GLRA1: variants seen among roughly 807,000 people sequenced by gnomAD.
GLRA1 encodes glycine receptor subunit alpha-1.
GLRA1 carries 37 observed loss-of-function variants against 48.3 expected under a neutral mutation model. That is an observed-to-expected ratio of 0.77 (90% CI 0.59 to 1.01). The LOEUF is 1.01. Among genes scored for constraint, GLRA1 ranks in the 50% least tolerant of loss-of-function variants. The pLI, the probability that GLRA1 is intolerant of heterozygous loss-of-function variation, is 0.00. For synonymous variants in GLRA1, 196 were observed against 210.7 expected (o/e 0.93, Z 0.60); for missense variants, 427 against 571.0 (o/e 0.75, Z 2.57).
At position 151,855,361 on chromosome 5, in the gene GLRA1, G is replaced by A. The variant is rs73285944; in HGVS notation, c.560-184C>T. ...TGGTTAATTATTTATATCTACATCA[G>A]AGCCCTTCCACCTCTCTTCCCAACC... On this transcript the variant is annotated intron_variant, in intron 5 of 8. Transcript: ENST00000274576. Among the ~76,000 whole-genome samples, 2,633 of 152,174 alleles carry A rather than the reference G, an allele frequency of 0.017. 89 individuals are homozygous for A. The highest frequency in any genetic ancestry group is 0.059 in the African/African-American group (2,457 of 41,494).
At chr5:151,916,098 G>T (rs1342366148) in intron 1 of GLRA1, among the ~76,000 whole-genome samples, 30 of 152,192 alleles carry the variant, frequency 2.0e-4, no homozygotes. Flanking sequence ...TCAGTATGGT[G>T]AGGGAGGAGC....
intron 1 of GLRA1, among the ~76,000 whole-genome samples, chr5:151,916,469 T>C (rs1754745332): frequency 6.6e-6 from 1 of 152,188 alleles, no homozygotes; most frequent in African/African-American, 2.4e-5. Context: ...TAGTAGTTAC[T>C]CTGGTGTGTA....
At chr5:151,855,569 C>CG (rs891610400) in intron 5 of GLRA1, among the ~76,000 whole-genome samples, 1 of 152,042 alleles carries the variant, frequency 6.6e-6, no homozygotes, top group Non-Finnish European at 1.5e-5. Flanking sequence ...CTGGGGTAGA[C>CG]GGGGGAAAGT....
chr5:151,922,099 G>A (rs982779483), intron 1 of GLRA1, among the ~76,000 whole-genome samples: 1 of 152,134 alleles, frequency 6.6e-6, no homozygotes, highest in East Asian at 1.9e-4. Flanking sequence ...CCTAGCCCCC[G>A]ATTTCCCCAA....
intron 7 of GLRA1, chr5:151,850,654 G>A (rs903224406): frequency 9.4e-6 from 13 of 1,386,580 alleles, no homozygotes; most frequent in Middle Eastern, 1.9e-4. Context: ...ACATTCCCTG[G>A]ACTGTTGGCC....
At chr5:151,844,992 G>A (rs1220617090) in intron 7 of GLRA1, among the ~76,000 whole-genome samples, 2 of 151,970 alleles carry the variant, frequency 1.3e-5, no homozygotes, top group African/African-American at 2.4e-5. Flanking sequence ...GGTGGGAGAC[G>A]CCAGGTTCTT....
intron 2 of GLRA1, among the ~76,000 whole-genome samples, chr5:151,891,161 A>G (rs1433253819): frequency 6.6e-6 from 1 of 152,194 alleles, no homozygotes; most frequent in Non-Finnish European, 1.5e-5. Context: ...TCCTTGGAAT[A>G]AGATTTTTGC....
At chr5:151,848,914 C>G in intron 7 of GLRA1, 1 of 691,734 alleles carries the variant, frequency 1.4e-6, no homozygotes, top group Non-Finnish European at 2.8e-6. Context: ...CCCACTTAAA[C>G]AAAGGTATTA....
intron 3 of GLRA1, among the ~76,000 whole-genome samples, chr5:151,874,570 G>T (rs552933956): frequency 1.3e-5 from 2 of 152,298 alleles, no homozygotes; most frequent in South Asian, 4.1e-4. Flanking sequence ...AGAGGTGATT[G>T]AGGGAAACAA....
intron 4 of GLRA1, among the ~76,000 whole-genome samples, chr5:151,857,804 C>T (rs1046318881): frequency 4.6e-5 from 7 of 152,244 alleles, no homozygotes; most frequent in African/African-American, 1.7e-4. Flanking sequence ...GCTTTTCCAA[C>T]ATCTGAGTGC....
rs76056212 is a variant in GLRA1 at position 151,911,326 on chromosome 5, C to T, written c.56+13168G>A. Among the ~76,000 whole-genome samples the T allele has an allele frequency of 1.8e-3, 279 of 152,280 alleles. 2 individuals are homozygous for T. The East Asian group carries it at 0.021, about 11-fold the overall frequency. ...AGTTAATCAGGCTCTTTTGTATGCT[C>T]CCACAACACTTTGCACCTATCCTAC... is the stretch of plus-strand genomic sequence containing the variant. On this transcript the variant is annotated intron_variant, in intron 1 of 8. Transcript: ENST00000274576.
intron 1 of GLRA1, among the ~76,000 whole-genome samples, chr5:151,911,189 C>T (rs1754600226): frequency 6.6e-6 from 1 of 152,150 alleles, no homozygotes; most frequent in African/African-American, 2.4e-5. Flanking sequence ...TTGCCTCACT[C>T]TCCTGATACT....
chr5:151,892,754 G>A (rs1754111381), intron 1 of GLRA1, among the ~76,000 whole-genome samples: 1 of 152,178 alleles, frequency 6.6e-6, no homozygotes, highest in Admixed American at 6.5e-5. Flanking sequence ...GAAGATTGGA[G>A]GGTTAGTCTT....
rs746611805 is a variant in GLRA1, at chr5:151,822,655, C to G, written c.*18G>C. On this transcript the variant is annotated 3_prime_UTR_variant, in exon 9 of 9. Coordinates refer to ENST00000274576, the MANE Select transcript of GLRA1 (RefSeq NM_000171.4). ...CCCACGTTCCCCTCTCCCAGCCTCC[C>G]CCAACCTTTCAGACCCTTCACTGGT... 4.4e-6 allele frequency: 7 copies of G among 1,589,610 alleles called. No homozygotes were observed. In the South Asian group the frequency reaches 7.7e-5, roughly 18 times the overall value.
rs111478847 is a variant in GLRA1 at position 151,873,181 on chromosome 5, G to A, written c.253-13173C>T. 4.8e-4 allele frequency among the ~76,000 whole-genome samples: 72 copies of A among 149,654 alleles called. 9 individuals carry two copies. The highest frequency in any genetic ancestry group is 6.8e-3 in the Middle Eastern group (2 of 294). On this transcript the variant is annotated intron_variant, in intron 3 of 8. Transcript: ENST00000274576. ...AAGTGAACACTGTGACATGGTTCCC[G>A]AAATGGAAAGGTCTTTGAGGTGGAA...
chr5:151,840,623 T>TA, intron 7 of GLRA1, among the ~76,000 whole-genome samples: 1 of 151,444 alleles, frequency 6.6e-6, no homozygotes, highest in Middle Eastern at 3.4e-3. Context: ...CTATAAAAGA[T>TA]ACACTTTAGA....
chr5:151,828,826 T>G, intron 8 of GLRA1, 95 bp downstream of exon 8: 1 of 1,262,540 alleles, frequency 7.9e-7, no homozygotes, highest in South Asian at 1.4e-5. Flanking sequence ...TTGAGAAGGA[T>G]GGACCATTGA....
At chr5:151,848,859 G>A in intron 7 of GLRA1, 1 of 599,072 alleles carries the variant, frequency 1.7e-6, no homozygotes, top group East Asian at 3.7e-5. Flanking sequence ...CCGCCCGCCT[G>A]CTCAGCGCCC....
rs549297248 is a variant in GLRA1, at chr5:151,918,312, G to A, written c.56+6182C>T. On this transcript the variant is annotated intron_variant, in intron 1 of 8. Transcript: ENST00000274576. Reference sequence around the variant, plus strand: ...AGGCTTTACAGGGAGTTGGTTCAGGGAGACAGCTGGAGTTCAAGGCTGAGA... The same window carrying A: ...AGGCTTTACAGGGAGTTGGTTCAGGAAGACAGCTGGAGTTCAAGGCTGAGA... 3.9e-5 allele frequency among the ~76,000 whole-genome samples: 6 copies of A among 152,320 alleles called. No homozygotes were observed. In the South Asian group the frequency reaches 1.2e-3, roughly 32 times the overall value.
Sources: allele counts gnomAD v4.1 joint callset (sites outside exome capture counted in the v4.1 genomes callset), GRCh38; gene constraint gnomAD v4.1.1; transcripts MANE v1.5; gene names NCBI Gene and HGNC (gene_info 2026-07-23, HGNC 2026-07-21).